PDGFC: variants seen among roughly 807,000 people sequenced by gnomAD.
PDGFC encodes the protein platelet-derived growth factor C.
Under a neutral mutation model 35.5 loss-of-function variants are expected in PDGFC, and 12 were observed. The ratio of observed to expected loss-of-function variants is 0.34; its 90% CI spans 0.22 to 0.55. The LOEUF is 0.55. Among genes scored for constraint, PDGFC ranks in the 20% least tolerant of loss-of-function variants. The pLI is 0.91. For synonymous variants in PDGFC, 159 were observed against 148.8 expected (o/e 1.07, Z -0.50); for missense variants, 322 against 412.4 (o/e 0.78, Z 1.90).
intron 1 of PDGFC, among the ~76,000 whole-genome samples, chr4:156,908,518 A>G (rs931372947): frequency 2.0e-5 from 3 of 152,202 alleles, no homozygotes; most frequent in African/African-American, 4.8e-5. Context: ...TAAGTAATAC[A>G]AAGAACAAAC....
intron 1 of PDGFC, among the ~76,000 whole-genome samples, chr4:156,874,788 C>T (rs1730072542): frequency 6.6e-6 from 1 of 151,832 alleles, no homozygotes; most frequent in African/African-American, 2.4e-5. Flanking sequence ...GCAATCTCAG[C>T]TCACTGCAAC....
intron 4 of PDGFC, among the ~76,000 whole-genome samples, chr4:156,769,195 T>TG (rs1224519502): frequency 2.0e-5 from 3 of 151,600 alleles, no homozygotes; most frequent in African/African-American, 7.2e-5. Flanking sequence ...CAGACATGAA[T>TG]GAAAAAAAAG....
intron 1 of PDGFC, among the ~76,000 whole-genome samples, chr4:156,920,448 C>A (rs1426960420): frequency 6.6e-6 from 1 of 152,072 alleles, no homozygotes; most frequent in Non-Finnish European, 1.5e-5. Context: ...GGGATGTGAA[C>A]AAAGATGAGT....
At chr4:156,860,490 C>A (rs990472498) in intron 1 of PDGFC, among the ~76,000 whole-genome samples, 1 of 152,014 alleles carries the variant, frequency 6.6e-6, no homozygotes, top group African/African-American at 2.4e-5. Context: ...ATCCATCTAT[C>A]CCTCTAAAAG....
At chr4:156,824,285 C>CATATATATATATATAT (rs58698115) in intron 2 of PDGFC, among the ~76,000 whole-genome samples, 13 of 92,844 alleles carry the variant, frequency 1.4e-4, no homozygotes, top group African/African-American at 1.9e-4. Context: ...ACAATGTAAG[C>CATATATATATATATAT]ATATATATAT....
intron 2 of PDGFC, among the ~76,000 whole-genome samples, chr4:156,821,917 G>C (rs779808840): frequency 2.6e-5 from 4 of 152,074 alleles, no homozygotes; most frequent in Non-Finnish European, 5.9e-5. Flanking sequence ...AATGACAGGG[G>C]TCAAAAATGA....
intron 2 of PDGFC, among the ~76,000 whole-genome samples, chr4:156,823,816 A>G (rs1226038417): frequency 6.6e-6 from 1 of 152,210 alleles, no homozygotes; most frequent in Admixed American, 6.5e-5. Context: ...AGTAACTATG[A>G]TATTAAAGCA....
chr4:156,784,537 T>C (rs750093522), intron 3 of PDGFC, among the ~76,000 whole-genome samples: 1 of 151,676 alleles, frequency 6.6e-6, no homozygotes, highest in Non-Finnish European at 1.5e-5. Flanking sequence ...AGCAGTGAAA[T>C]GGAGAAAGCA....
At chr4:156,963,481 A>G (rs1732389594) in intron 1 of PDGFC, among the ~76,000 whole-genome samples, 1 of 152,070 alleles carries the variant, frequency 6.6e-6, no homozygotes, top group Non-Finnish European at 1.5e-5. Context: ...AAATAAAACA[A>G]AACAAAACAA....
intron 2 of PDGFC, among the ~76,000 whole-genome samples, chr4:156,832,532 G>C (rs528073406): frequency 5.9e-5 from 9 of 152,258 alleles, no homozygotes; most frequent in African/African-American, 1.9e-4. Context: ...TGGGATTATA[G>C]GTGTCAGCCA....
intron 1 of PDGFC, among the ~76,000 whole-genome samples, chr4:156,889,954 A>T (rs1167904703): frequency 6.6e-6 from 1 of 152,320 alleles, no homozygotes; most frequent in Non-Finnish European, 1.5e-5. Context: ...GCTATGTGGT[A>T]ACTTATTTGA....
intron 1 of PDGFC, among the ~76,000 whole-genome samples, chr4:156,915,547 C>T (rs1449804515): frequency 3.3e-5 from 5 of 152,172 alleles, no homozygotes; most frequent in South Asian, 2.1e-4. Context: ...GATCCCAGCA[C>T]TTTGGGAGGC....
intron 1 of PDGFC, among the ~76,000 whole-genome samples, chr4:156,900,230 C>T (rs1023125153): frequency 6.6e-6 from 1 of 152,054 alleles, no homozygotes; most frequent in East Asian, 1.9e-4. Flanking sequence ...CTCTTTTTCC[C>T]GAAATTCCTG....
intron 1 of PDGFC, among the ~76,000 whole-genome samples, chr4:156,910,761 T>C (rs1301785215): frequency 6.6e-6 from 1 of 152,134 alleles, no homozygotes; most frequent in East Asian, 1.9e-4. Context: ...TGCTATCTCA[T>C]TGTGGTTTTT....
At chr4:156,832,828 T>C (rs988949423) in intron 2 of PDGFC, among the ~76,000 whole-genome samples, 2 of 152,176 alleles carry the variant, frequency 1.3e-5, no homozygotes, top group Middle Eastern at 3.2e-3. Context: ...TGGACTATAG[T>C]ATATGCGGAT....
At chr4:156,954,869 A>G (rs1434411974) in intron 1 of PDGFC, among the ~76,000 whole-genome samples, 1 of 152,186 alleles carries the variant, frequency 6.6e-6, no homozygotes, top group Non-Finnish European at 1.5e-5. Context: ...CCAAGACTGC[A>G]GCAGAACAAG....
chr4:156,854,575 C>T (rs965547967), intron 1 of PDGFC, among the ~76,000 whole-genome samples: 1 of 151,744 alleles, frequency 6.6e-6, no homozygotes, highest in African/African-American at 2.4e-5. Context: ...AGATGACTGT[C>T]AAAGTTTTAT....
At chr4:156,927,996 A>G (rs901374786) in intron 1 of PDGFC, among the ~76,000 whole-genome samples, 1 of 152,176 alleles carries the variant, frequency 6.6e-6, no homozygotes, top group Non-Finnish European at 1.5e-5. Flanking sequence ...GTGAAAGGCA[A>G]TCCTTACATG....
At chr4:156,816,826 T>A (rs576407601) in intron 2 of PDGFC, among the ~76,000 whole-genome samples, 1 of 152,334 alleles carries the variant, frequency 6.6e-6, no homozygotes, top group African/African-American at 2.4e-5. Context: ...TCTATTCAGA[T>A]TGGCCAAAAG....
Sources: gnomAD v4.1 joint callset for allele counts (sites outside exome capture counted in the v4.1 genomes callset) on GRCh38, gnomAD v4.1.1 for gene constraint, MANE v1.5 for transcripts, NCBI Gene and HGNC (gene_info 2026-07-23, HGNC 2026-07-21) for gene names.